The following GALNT11 variants were observed in gnomAD, a reference collection of about 807,000 sequenced individuals.
GALNT11 encodes polypeptide N-acetylgalactosaminyltransferase 11, also known as UDP-GalNAc:polypeptide N-acetylgalactosaminyltransferase 11.
GALNT11 carries 47 observed loss-of-function variants against 72.7 expected under a neutral mutation model. The ratio of observed to expected loss-of-function variants is 0.65; its 90% confidence interval spans 0.51 to 0.82. GALNT11 has a LOEUF of 0.82. Among genes scored for constraint, GALNT11 ranks in the 40% least tolerant of loss-of-function variants. GALNT11 has a pLI of 0.00. For missense variants in GALNT11, 677 were observed against 778.4 expected, an observed-to-expected ratio of 0.87 and a Z score of 1.55; for synonymous variants, 270 against 286.6, an observed-to-expected ratio of 0.94 and a Z score of 0.58.
intron 1 of GALNT11, among the ~76,000 whole-genome samples, chr7:152,075,610 C>G (rs562649465): frequency 5.3e-4 from 81 of 152,200 alleles, no homozygotes; most frequent in African/African-American, 1.6e-3. Context: ...AGTTTGAGAC[C>G]AGCCTCACCA....
rs2084041426 is a variant in GALNT11, at chr7:152,061,954, G to A, written c.-38-32236G>A. Among the ~76,000 whole-genome samples the A allele has an allele frequency of 2.0e-5, 3 of 152,188 alleles. No homozygotes were observed. In the South Asian group the frequency reaches 6.2e-4, roughly 32 times the overall value. On this transcript the variant is annotated intron_variant, in intron 1 of 11. Transcript: ENST00000430044. ...TTTGGCTTAGGATTGTCTTGGCAATGTGGGCTCTTTTTTGGTCCCACATGA... is the reference window on the plus strand; with the variant it reads ...TTTGGCTTAGGATTGTCTTGGCAATATGGGCTCTTTTTTGGTCCCACATGA...
intron 1 of GALNT11, among the ~76,000 whole-genome samples, chr7:152,091,765 T>G (rs144502200): frequency 1.3e-5 from 2 of 152,272 alleles, no homozygotes; most frequent in African/African-American, 4.8e-5. Context: ...AAGTTCCTTA[T>G]GTGGAATTTA....
intron 1 of GALNT11, among the ~76,000 whole-genome samples, chr7:152,091,404 C>G (rs1187924292): frequency 1.3e-5 from 2 of 151,996 alleles, no homozygotes; most frequent in African/African-American, 4.8e-5. Context: ...CCACGTCCCG[C>G]TAATTTTTTG....
At chr7:152,101,648 G>GC (rs1222975257) in intron 3 of GALNT11, among the ~76,000 whole-genome samples, 1 of 146,754 alleles carries the variant, frequency 6.8e-6, no homozygotes, top group South Asian at 2.3e-4. Flanking sequence ...TTTTTGGGGG[G>GC]GGGGGGATGG....
At chr7:152,026,075 T>TC (rs1188209836) in intron 1 of GALNT11, among the ~76,000 whole-genome samples, 191 bp downstream of exon 1, 1 of 151,728 alleles carries the variant, frequency 6.6e-6, no homozygotes, top group Non-Finnish European at 1.5e-5. Flanking sequence ...CCCCCGCGCC[T>TC]CCCCCAGCGT....
chr7:152,098,247 TTTAAGACCAGC>T (rs1263027475), intron 2 of GALNT11, among the ~76,000 whole-genome samples: 1 of 151,964 alleles, frequency 6.6e-6, no homozygotes, highest in East Asian at 1.9e-4. Context: ...GGCTCAGAAG[TTTAAGACCAGC>T]TTAAGGTGGT....
At chr7:152,096,025 G>C (rs1029772628) in intron 2 of GALNT11, among the ~76,000 whole-genome samples, 7 of 152,094 alleles carry the variant, frequency 4.6e-5, no homozygotes, top group African/African-American at 1.2e-4. Context: ...ATTTACAATA[G>C]CATCAAAAGT....
intron 1 of GALNT11, among the ~76,000 whole-genome samples, chr7:152,082,346 C>T (rs939516302): frequency 2.6e-5 from 4 of 152,330 alleles, no homozygotes; most frequent in South Asian, 4.1e-4. Context: ...TATAACCTGA[C>T]GCATCCACCC....
intron 5 of GALNT11, 172 bp from the exon 6 acceptor site, chr7:152,107,866 C>A: frequency 3.0e-6 from 2 of 658,354 alleles, no homozygotes; most frequent in Non-Finnish European, 2.6e-6. Flanking sequence ...GGCTGAGGGA[C>A]GTCCTTGTTG....
chr7:152,075,449 C>T (rs957727049), intron 1 of GALNT11, among the ~76,000 whole-genome samples: 2 of 152,214 alleles, frequency 1.3e-5, no homozygotes, highest in Non-Finnish European at 2.9e-5. Context: ...TATGTATCAC[C>T]GGAGTAGTAA....
At chr7:152,026,784 C>T (rs1027838538) in intron 1 of GALNT11, among the ~76,000 whole-genome samples, 1 of 152,190 alleles carries the variant, frequency 6.6e-6, no homozygotes, top group Non-Finnish European at 1.5e-5. Context: ...AGTTGTCCCA[C>T]CTTTCCTGCC....
At chr7:152,072,188 G>A (rs757297616) in intron 1 of GALNT11, among the ~76,000 whole-genome samples, 9 of 150,018 alleles carry the variant, frequency 6.0e-5, no homozygotes, top group African/African-American at 1.5e-4. Context: ...GCATGTTGGC[G>A]CACGTCTGTT....
At chr7:152,082,222 A>G (rs1160876407) in intron 1 of GALNT11, among the ~76,000 whole-genome samples, 2 of 152,238 alleles carry the variant, frequency 1.3e-5, no homozygotes, top group African/African-American at 4.8e-5. Context: ...CTGTAAAGAA[A>G]TAGCACTTGA....
At chr7:152,121,471 T>C in intron 11 of GALNT11, 75 bp from the exon 12 acceptor site, 1 of 1,539,228 alleles carries the variant, frequency 6.5e-7, no homozygotes, top group Non-Finnish European at 8.8e-7. Flanking sequence ...AATTCTTAAG[T>C]GCTCCATCTC....
At chr7:152,045,753 G>A (rs1020551159) in intron 1 of GALNT11, among the ~76,000 whole-genome samples, 4 of 151,436 alleles carry the variant, frequency 2.6e-5, no homozygotes, top group Non-Finnish European at 4.4e-5. Flanking sequence ...TTGATCTTTT[G>A]TATTGTTTTC....
chr7:152,051,640 C>A (rs949524814), intron 1 of GALNT11, among the ~76,000 whole-genome samples: 1 of 152,164 alleles, frequency 6.6e-6, no homozygotes, highest in African/African-American at 2.4e-5. Flanking sequence ...TCTCCTCCCC[C>A]AAATCACAGA....
chr7:152,121,498 G>C (rs768250372), intron 11 of GALNT11, 48 bp from the exon 12 acceptor site: 5 of 1,583,306 alleles, frequency 3.2e-6, no homozygotes, highest in Non-Finnish European at 3.4e-6. Flanking sequence ...GGATTTCCAT[G>C]TTTTGCCAGT....
At chr7:152,102,483 A>AC (rs2087036964) in intron 3 of GALNT11, among the ~76,000 whole-genome samples, 1 of 151,702 alleles carries the variant, frequency 6.6e-6, no homozygotes, top group Non-Finnish European at 1.5e-5. Flanking sequence ...CGGAGGTTGC[A>AC]GTGAGCCGAG....
intron 1 of GALNT11, among the ~76,000 whole-genome samples, chr7:152,039,442 G>C (rs563255234): frequency 2.6e-5 from 4 of 152,290 alleles, no homozygotes; most frequent in African/African-American, 9.6e-5. Context: ...TGCCCAATAA[G>C]TGTAATTGTT....
Sources: gnomAD v4.1 joint callset for allele counts (sites outside exome capture counted in the v4.1 genomes callset) on GRCh38, gnomAD v4.1.1 for gene constraint, MANE v1.5 for transcripts, NCBI Gene and HGNC (gene_info 2026-07-23, HGNC 2026-07-21) for gene names.